The following KIAA0586 variants were observed in gnomAD, a reference collection of about 807,000 sequenced individuals.
KIAA0586 encodes KIAA0586.
In KIAA0586, 144 loss-of-function variants were observed where a neutral mutation model predicts 169.8. The ratio of observed to expected loss-of-function variants is 0.85; its 90% CI spans 0.74 to 0.97. The LOEUF is 0.97. Among genes scored for constraint, KIAA0586 ranks in the 50% least tolerant of loss-of-function variants. KIAA0586 has a pLI of 0.00. For missense variants in KIAA0586, 1,854 were observed against 1,823.0 expected (o/e 1.02, Z -0.31); for synonymous variants, 625 against 612.4 (o/e 1.02, Z -0.30).
chr14:58,442,934 TAC>T, intron 5 of KIAA0586, 54 bp downstream of exon 5: 1 of 1,245,394 alleles, frequency 8.0e-7, no homozygotes, highest in South Asian at 1.4e-5. Flanking sequence ...TAGAAGTACT[TAC>T]TAAGAACTGA....
At chr14:58,556,984 A>G in the KIAA0586 span, among the ~76,000 whole-genome samples, 6 of 152,162 alleles carry the variant, frequency 3.9e-5, no homozygotes, top group Non-Finnish European at 8.8e-5. Context: ...ACCTCAGGTG[A>G]TCCGCCCACC....
At position 58,548,201 on chromosome 14, in the gene KIAA0586, C is replaced by G. The variant is rs952006223; in HGVS notation, c.*269C>G. 3.0e-6 allele frequency: 1 copy of G among 335,358 alleles called. No homozygotes were observed. The highest frequency in any genetic ancestry group is 5.4e-6 in the Non-Finnish European group (1 of 186,578). 20.8% of individuals were successfully genotyped at this position (335,358 alleles called of 1,614,324 possible). A position where few individuals can be genotyped will look rare whatever the true frequency, so the allele number is the denominator to read the frequency against. ...AAGGGCATGGCTTTTGACATCTAGG[C>G]ATTTAATCTATAGGTGTAATTATCT... On this transcript the variant is annotated 3_prime_UTR_variant, in exon 31 of 31. Transcript: ENST00000652326.
intron 29 of KIAA0586, among the ~76,000 whole-genome samples, chr14:58,533,086 G>GA (rs2046082053): frequency 6.6e-6 from 1 of 152,172 alleles, no homozygotes; most frequent in Non-Finnish European, 1.5e-5. Flanking sequence ...AATGGAGTCA[G>GA]AAAAAACAAT....
chr14:58,501,453 G>A (rs1187727504), intron 27 of KIAA0586, among the ~76,000 whole-genome samples: 2 of 152,192 alleles, frequency 1.3e-5, no homozygotes, highest in African/African-American at 4.8e-5. Context: ...AGGTACTTAA[G>A]AGCTACTAGG....
At chr14:58,522,039 G>T in intron 29 of KIAA0586, 1 of 1,082,110 alleles carries the variant, frequency 9.2e-7, no homozygotes. Context: ...CTTTACGTAG[G>T]TGCTTGTCTA....
At chr14:58,517,087 G>A (rs1019704405) in intron 29 of KIAA0586, among the ~76,000 whole-genome samples, 1 of 152,132 alleles carries the variant, frequency 6.6e-6, no homozygotes, top group Non-Finnish European at 1.5e-5. Context: ...CTTTGGTTGG[G>A]CAAAGATTTC....
intron 27 of KIAA0586, 27 bp from the exon 28 acceptor site, chr14:58,508,528 A>G (rs1190359170): frequency 6.6e-7 from 1 of 1,504,454 alleles, no homozygotes; most frequent in East Asian, 2.4e-5. Flanking sequence ...CTTTATTTTA[A>G]CTTTTTATTT....
At position 58,482,576 on chromosome 14, in the gene KIAA0586, A is replaced by G; in HGVS notation, c.3008A>G (p.Asn1003Ser). 6.2e-7 allele frequency: 1 copy of G among 1,602,186 alleles called. No individual in the cohort carries two copies. Among genetic ancestry groups the G allele is most frequent in the South Asian group, 1.1e-5 (1 of 89,306 alleles). The change falls in exon 21 of 31, where the codon AAT becomes AGT. Residue 1003 changes from asparagine to serine, a missense_variant. Physicochemically the swap from Asn to Ser is conservative, Grantham distance 46. Transcript: ENST00000652326. ...GATGCTGGTGTTCCTGTGAACTCAA[A>G]TGTGATTAAACATTTTGTTAACGAA... ...FVDAGVPVNSNVIKHFVNEAL... is the reference protein window; with the variant it reads ...FVDAGVPVNSSVIKHFVNEAL...
At chr14:58,545,577 T>C (rs2046928226) in intron 30 of KIAA0586, among the ~76,000 whole-genome samples, 1 of 152,224 alleles carries the variant, frequency 6.6e-6, no homozygotes, top group African/African-American at 2.4e-5. Flanking sequence ...AGGACTTAGT[T>C]ATATCCAGTG....
chr14:58,492,232 A>C lies in KIAA0586; in HGVS notation c.3947A>C (p.Asn1316Thr). Residue 1316 changes from asparagine (N) to threonine (T), a missense_variant, in exon 26 of 31, where the codon AAC becomes ACC. Coordinates refer to ENST00000652326, the MANE Select transcript of KIAA0586 (RefSeq NM_001329943.3). Reference sequence around the variant, plus strand: ...GCAATTCTTTCTTTTGCTAAACAAAACCAGGAGTCAGCAGTTTCCCAGCAA... The same window carrying C: ...GCAATTCTTTCTTTTGCTAAACAAACCCAGGAGTCAGCAGTTTCCCAGCAA... ...ADAILSFAKQNQESAVSQQAV... is the reference protein window; with the variant it reads ...ADAILSFAKQTQESAVSQQAV... 6.4e-6 allele frequency: 10 copies of C among 1,551,386 alleles called. No individual in the cohort carries two copies. The highest frequency in any genetic ancestry group is 7.0e-6 in the Non-Finnish European group (8 of 1,146,820).
At chr14:58,472,509 G>A (rs894129939) in intron 18 of KIAA0586, among the ~76,000 whole-genome samples, 4 of 151,462 alleles carry the variant, frequency 2.6e-5, no homozygotes, top group African/African-American at 9.7e-5. Flanking sequence ...TCCCCACCTA[G>A]ATTTTGTCTA....
At chr14:58,533,128 G>A (rs1031831123) in intron 29 of KIAA0586, among the ~76,000 whole-genome samples, 5 of 152,148 alleles carry the variant, frequency 3.3e-5, no homozygotes, top group Non-Finnish European at 4.4e-5. Flanking sequence ...AGAGCCTTGC[G>A]ATTATTGCCT....
intron 6 of KIAA0586, among the ~76,000 whole-genome samples, chr14:58,445,214 A>G (rs1264939438): frequency 6.6e-6 from 1 of 152,092 alleles, no homozygotes; most frequent in Non-Finnish European, 1.5e-5. Flanking sequence ...ATTCTGAGGT[A>G]GTGCCTGGCA....
Position 58,549,769 on chromosome 14 carries a change from A to G in KIAA0586, c.*1837A>G, listed in dbSNP as rs2047157789. ...TGCTTCATTTTAAACATGACACCCC[A>G]CCCCCCAACCTTGGTTTCTGGTTTT... is the stretch of plus-strand genomic sequence containing the variant. On this transcript the variant is annotated 3_prime_UTR_variant, in exon 31 of 31. Coordinates refer to ENST00000652326, the MANE Select transcript of KIAA0586 (RefSeq NM_001329943.3). The G allele has an allele frequency of 6.6e-6, 1 of 151,458 alleles. No individual in the cohort carries two copies. Among genetic ancestry groups the G allele is most frequent in the Non-Finnish European group, 1.5e-5 (1 of 67,858 alleles). The allele number at this position is 151,458 out of a possible 1,614,324, so 9.4% of individuals were successfully genotyped here.
At chr14:58,473,888 A>G (rs2141018026) in intron 18 of KIAA0586, among the ~76,000 whole-genome samples, 1 of 152,224 alleles carries the variant, frequency 6.6e-6, no homozygotes, top group East Asian at 1.9e-4. Flanking sequence ...CCTGGGTGAC[A>G]AGAGTGAAAC....
intron 30 of KIAA0586, chr14:58,543,762 C>T (rs536482906): frequency 5.8e-6 from 2 of 342,416 alleles, no homozygotes; most frequent in East Asian, 8.2e-5. Context: ...ACCCTATTTC[C>T]ACTGCCAAGG....
At chr14:58,533,756 C>T (rs966921631) in intron 29 of KIAA0586, among the ~76,000 whole-genome samples, 3 of 152,138 alleles carry the variant, frequency 2.0e-5, no homozygotes, top group African/African-American at 2.4e-5. Context: ...TAACGTAGAA[C>T]TTGGACTGGC....
chr14:58,485,919 C>T (rs2042405558), intron 21 of KIAA0586, among the ~76,000 whole-genome samples: 1 of 152,102 alleles, frequency 6.6e-6, no homozygotes, highest in Non-Finnish European at 1.5e-5. Flanking sequence ...TCCTTCATGT[C>T]TGTAACTGGG....
chr14:58,527,533 A>T (rs957703790), intron 29 of KIAA0586, among the ~76,000 whole-genome samples: 1 of 152,238 alleles, frequency 6.6e-6, no homozygotes, highest in South Asian at 2.1e-4. Context: ...AAGCCAGAAG[A>T]GAATGGGGGG....
Sources: allele counts gnomAD v4.1 joint callset (sites outside exome capture counted in the v4.1 genomes callset), GRCh38; gene constraint gnomAD v4.1.1; transcripts MANE v1.5; gene names NCBI Gene and HGNC (gene_info 2026-07-23, HGNC 2026-07-21).